The following RPS6KC1 variants were observed in gnomAD, a reference collection of about 807,000 sequenced individuals.
RPS6KC1 encodes ribosomal protein S6 kinase C1.
Under a neutral mutation model 103.8 loss-of-function variants are expected in RPS6KC1, and 54 were observed. The ratio of observed to expected loss-of-function variants is 0.52; its 90% CI spans 0.42 to 0.65. RPS6KC1 has a LOEUF of 0.65. RPS6KC1 is among the 30% of genes least tolerant of loss of function. The probability of loss-of-function intolerance (pLI) is 0.00; values close to 1 mark genes in which losing one functional copy is unlikely to be tolerated. For missense variants in RPS6KC1, 1,151 were observed against 1,253.8 expected, an observed-to-expected ratio of 0.92 and a Z score of 1.24; for synonymous variants, 439 against 438.7, an observed-to-expected ratio of 1.00 and a Z score of -0.01.
chr1:213,587,279 A>G, the RPS6KC1 span, among the ~76,000 whole-genome samples: 1 of 152,126 alleles, frequency 6.6e-6, no homozygotes, highest in Non-Finnish European at 1.5e-5. Context: ...TCAATGCTCT[A>G]TCAAGGGTGG....
At chr1:213,224,277 A>G (rs552862464) in intron 8 of RPS6KC1, among the ~76,000 whole-genome samples, 1 of 152,294 alleles carries the variant, frequency 6.6e-6, no homozygotes, top group South Asian at 2.1e-4. Context: ...AGCTTTTCCT[A>G]CTACTATTAT....
At chr1:213,095,262 C>G (rs1435418477) in intron 3 of RPS6KC1, among the ~76,000 whole-genome samples, 1 of 152,126 alleles carries the variant, frequency 6.6e-6, no homozygotes, top group Non-Finnish European at 1.5e-5. Context: ...CTCTCTCTTT[C>G]TTTTTACTCT....
intron 3 of RPS6KC1, among the ~76,000 whole-genome samples, chr1:213,083,067 G>T (rs1312434221): frequency 1.3e-5 from 2 of 152,094 alleles, no homozygotes; most frequent in Non-Finnish European, 2.9e-5. Context: ...CCCAATAAGA[G>T]TCACAGGTGA....
intron 8 of RPS6KC1, among the ~76,000 whole-genome samples, chr1:213,227,439 A>G (rs182228690): frequency 4.8e-4 from 73 of 152,366 alleles, no homozygotes; most frequent in African/African-American, 1.6e-3. Context: ...TTGGCAGCCT[A>G]TAACAACTAA....
At chr1:213,797,345 G>A in the RPS6KC1 span, among the ~76,000 whole-genome samples, 1 of 152,152 alleles carries the variant, frequency 6.6e-6, no homozygotes, top group Admixed American at 6.5e-5. Flanking sequence ...AGAAAAAGTA[G>A]CAAATGAACC....
At chr1:213,525,836 G>A in the RPS6KC1 span, among the ~76,000 whole-genome samples, 2 of 152,144 alleles carry the variant, frequency 1.3e-5, no homozygotes, top group African/African-American at 2.4e-5. Context: ...CTTTGAAAGG[G>A]TTTTCTTCAG....
At chr1:213,595,653 C>T in the RPS6KC1 span, among the ~76,000 whole-genome samples, 1 of 152,196 alleles carries the variant, frequency 6.6e-6, no homozygotes, top group East Asian at 1.9e-4. Context: ...CAATTCGTGC[C>T]TTGTTTAGGA....
At chr1:213,807,210 G>A in the RPS6KC1 span, among the ~76,000 whole-genome samples, 2,890 of 151,820 alleles carry the variant, frequency 0.019, 86 homozygotes, top group African/African-American at 0.063. Context: ...GCTGCCCTTA[G>A]CATTTTTTCC....
chr1:213,738,339 C>G, the RPS6KC1 span, among the ~76,000 whole-genome samples: 1 of 152,026 alleles, frequency 6.6e-6, no homozygotes. Flanking sequence ...TGTATAAACC[C>G]ATATCAAAAA....
chr1:213,183,574 G>A (rs1185700759), intron 8 of RPS6KC1, among the ~76,000 whole-genome samples: 1 of 107,828 alleles, frequency 9.3e-6, no homozygotes, highest in Non-Finnish European at 2.4e-5. Context: ...AATCTCAAAG[G>A]GTATTAAAAA....
intron 8 of RPS6KC1, among the ~76,000 whole-genome samples, chr1:213,213,151 A>G (rs2093561789): frequency 6.6e-6 from 1 of 152,202 alleles, no homozygotes; most frequent in Admixed American, 6.5e-5. Context: ...CACCATATTC[A>G]GAGTTATCTA....
the RPS6KC1 span, among the ~76,000 whole-genome samples, chr1:213,769,902 T>C: frequency 6.6e-6 from 1 of 152,086 alleles, no homozygotes; most frequent in Non-Finnish European, 1.5e-5. Context: ...ATATGTCAAA[T>C]TGTGGACTGT....
chr1:213,388,710 A>G, the RPS6KC1 span, among the ~76,000 whole-genome samples: 1 of 152,198 alleles, frequency 6.6e-6, no homozygotes, highest in South Asian at 2.1e-4. Context: ...GGCAAGGTAC[A>G]GTCACAGGGC....
At chr1:213,218,897 CT>C (rs2093744266) in intron 8 of RPS6KC1, among the ~76,000 whole-genome samples, 1 of 152,110 alleles carries the variant, frequency 6.6e-6, no homozygotes, top group Non-Finnish European at 1.5e-5. Context: ...AATGTTAGAC[CT>C]AAAACTGTAA....
At chr1:213,476,520 C>T in the RPS6KC1 span, among the ~76,000 whole-genome samples, 1 of 152,118 alleles carries the variant, frequency 6.6e-6, no homozygotes, top group African/African-American at 2.4e-5. Context: ...TAAATCTTTC[C>T]ATTTATTTCT....
chr1:213,785,661 T>C, the RPS6KC1 span, among the ~76,000 whole-genome samples: 1 of 152,156 alleles, frequency 6.6e-6, no homozygotes, highest in East Asian at 1.9e-4. Context: ...GAGATATATA[T>C]GTATGTAGCT....
chr1:213,511,001 G>A, the RPS6KC1 span, among the ~76,000 whole-genome samples: 10 of 152,102 alleles, frequency 6.6e-5, no homozygotes, highest in African/African-American at 2.4e-4. Context: ...TTTCACCAGA[G>A]GGGTTTCCAA....
intron 8 of RPS6KC1, among the ~76,000 whole-genome samples, chr1:213,216,479 A>C (rs1201620641): frequency 6.6e-6 from 1 of 152,202 alleles, no homozygotes; most frequent in African/African-American, 2.4e-5. Context: ...GAAAGTTAAC[A>C]AGGATACCCA....
the RPS6KC1 span, among the ~76,000 whole-genome samples, chr1:213,381,357 CCTT>C: frequency 7.2e-5 from 11 of 152,164 alleles, no homozygotes; most frequent in East Asian, 3.9e-4. Flanking sequence ...TTCCTCTCCT[CCTT>C]AGCCGGGTGC....
Sources: allele counts gnomAD v4.1 joint callset (sites outside exome capture counted in the v4.1 genomes callset), GRCh38; gene constraint gnomAD v4.1.1; transcripts MANE v1.5; gene names NCBI Gene and HGNC (gene_info 2026-07-23, HGNC 2026-07-21).